Variants in PCDHAC1 observed in about 807,000 individuals in gnomAD.
The protein encoded by PCDHAC1 is protocadherin alpha-C1.
A neutral mutation model predicts 60.0 loss-of-function variants in PCDHAC1; 42 were observed. The ratio of observed to expected loss-of-function variants is 0.70; its 90% CI spans 0.55 to 0.90. PCDHAC1 has a LOEUF of 0.90. PCDHAC1 is among the 40% of genes least tolerant of loss of function. PCDHAC1 has a pLI of 0.00. For synonymous variants in PCDHAC1, 468 were observed against 499.3 expected (o/e 0.94, Z 0.84); for missense variants, 1,160 against 1,222.3 (o/e 0.95, Z 0.76).
intron 1 of PCDHAC1, among the ~76,000 whole-genome samples, chr5:140,950,427 C>T (rs393858): frequency 0.56 from 85,078 of 151,138 alleles, 24,477 homozygotes; most frequent in African/African-American, 0.69. Flanking sequence ...TTTTCTTCCA[C>T]TTAAAAAAAA....
chr5:140,966,740 C>CGGCT (rs2096047340), intron 1 of PCDHAC1: 1 of 1,422,580 alleles, frequency 7.0e-7, no homozygotes, highest in African/African-American at 1.5e-5. Flanking sequence ...CGGCCCTGCC[C>CGGCT]GGCTGCCTCC....
In PCDHAC1 at chr5:140,938,797, G is replaced by T. The variant is rs76361474; in HGVS notation, c.2433+9472G>T. On this transcript the variant is annotated intron_variant, in intron 1 of 3. Coordinates refer to ENST00000253807, the MANE Select transcript of PCDHAC1 (RefSeq NM_018898.5). Reference sequence around the variant, plus strand: ...TTAGTACCTGAATGATGAAATAATCGGTACCACAAACCCCTGTGACATGAG... The same window carrying T: ...TTAGTACCTGAATGATGAAATAATCTGTACCACAAACCCCTGTGACATGAG... Among the ~76,000 whole-genome samples, 827 of 152,042 alleles carry T rather than the reference G, an allele frequency of 5.4e-3. 3 individuals carry two copies. Among genetic ancestry groups the T allele is most frequent in the African/African-American group, 0.019 (796 of 41,444 alleles).
rs1018008271 is a variant in PCDHAC1, at chr5:140,926,713, C to G, written c.-180C>G. 1.7e-5 allele frequency: 16 copies of G among 944,684 alleles called. No homozygotes were observed. The highest frequency in any genetic ancestry group is 2.3e-5 in the Non-Finnish European group (16 of 689,592). 58.5% of individuals were successfully genotyped at this position (944,684 alleles called of 1,614,324 possible). ...AAGCCCGGCTCCCAGCTGGCCAGCC[C>G]CGGCAATGCCGGCGTTCGGGAGGCG... On this transcript the variant is annotated 5_prime_UTR_variant, in exon 1 of 4. Coordinates refer to ENST00000253807, the MANE Select transcript of PCDHAC1 (RefSeq NM_018898.5).
rs1554206780 is a variant in PCDHAC1, at chr5:140,929,164, G to A, written c.2272G>A (p.Ala758Thr). Residue 758 changes from alanine (A) to threonine (T), a missense_variant, in exon 1 of 4, where the codon GCC becomes ACC. Coordinates refer to ENST00000253807, the MANE Select transcript of PCDHAC1 (RefSeq NM_018898.5). Reference sequence around the variant, plus strand: ...ACTTTCTCAGACTTATCTCTATCGGGCCTCTCTGGGACTTGGTTCTGATAA... The same window carrying A: ...ACTTTCTCAGACTTATCTCTATCGGACCTCTCTGGGACTTGGTTCTGATAA... ...ERLSQTYLYRASLGLGSDNNS... is the reference protein window; with the variant it reads ...ERLSQTYLYRTSLGLGSDNNS... The A allele has an allele frequency of 6.2e-6, 10 of 1,614,150 alleles. No homozygotes were observed. Among genetic ancestry groups the A allele is most frequent in the East Asian group, 2.2e-5 (1 of 44,890 alleles).
In PCDHAC1 at chr5:140,967,001, A is replaced by T. The variant is rs1048933252; in HGVS notation, c.2434-11948A>T. The T allele has an allele frequency of 3.1e-6, 5 of 1,605,060 alleles. No homozygotes were observed. The South Asian group carries it at 5.5e-5, about 18-fold the overall frequency. The stretch of plus-strand genomic sequence containing the variant: ...GCGCTTGGGGCCGGGTTGCTTGCGC[A>T]TCAACCATCTGGGTGCGCCCAGTCC... On this transcript the variant is annotated intron_variant, in intron 1 of 3. Transcript: ENST00000253807.
At chr5:141,006,837 TG>T (rs1477008780) in intron 3 of PCDHAC1, among the ~76,000 whole-genome samples, 2 of 152,186 alleles carry the variant, frequency 1.3e-5, no homozygotes, top group African/African-American at 4.8e-5. Context: ...TGTAATTTAC[TG>T]AAACTGGAAA....
At chr5:140,940,199 A>G (rs1253658459) in intron 1 of PCDHAC1, among the ~76,000 whole-genome samples, 2 of 152,136 alleles carry the variant, frequency 1.3e-5, no homozygotes, top group Non-Finnish European at 2.9e-5. Flanking sequence ...CATGGGTGTA[A>G]AATTCAAGAT....
chr5:140,927,031 GC>G lies in PCDHAC1; in HGVS notation c.140del (p.Ala47GlyfsTer49). 3.7e-6 allele frequency: 6 copies of G among 1,612,410 alleles called. No individual in the cohort carries two copies. Among genetic ancestry groups the G allele is most frequent in the Non-Finnish European group, 5.1e-6 (6 of 1,178,976 alleles). ...GNLSADLRLPAAAMSSRNFRF... is the reference protein window; with the variant it reads ...GNLSADLRLPXAAMSSRNFRF... ...TCTCTCCGCGGACTTGAGGCTGCCA[GC>G]GGCCGCTATGTCCTCGCGGAACTTT... is the stretch of plus-strand genomic sequence containing the variant. On this transcript the variant is annotated frameshift_variant, in exon 1 of 4. Coordinates refer to ENST00000253807, the MANE Select transcript of PCDHAC1 (RefSeq NM_018898.5). LOFTEE classifies it high-confidence loss of function.
rs781892888 is a variant in PCDHAC1, at chr5:140,967,565, C to T, written c.2434-11384C>T. Reference sequence around the variant, plus strand: ...CCAGTCCACTTATCGCGTCCAGCTACGGGAGGACTCACCCCCAGGCACATT... The same window carrying T: ...CCAGTCCACTTATCGCGTCCAGCTATGGGAGGACTCACCCCCAGGCACATT... On this transcript the variant is annotated intron_variant, in intron 1 of 3. Transcript: ENST00000253807. The T allele has an allele frequency of 3.1e-6, 5 of 1,614,080 alleles. No individual in the cohort carries two copies. The highest frequency in any genetic ancestry group is 2.7e-5 in the African/African-American group (2 of 75,044).
chr5:140,926,569 A>T lies in PCDHAC1; in HGVS notation c.-324A>T, dbSNP rs1245214494. On this transcript the variant is annotated 5_prime_UTR_variant, in exon 1 of 4. Transcript: ENST00000253807. ...CGAGACCCCAGCCCGCTGCTACTGG[A>T]GACAGCACCTCTCGCGCCCGGGCGG... 1 of 261,750 alleles carries T rather than the reference A, an allele frequency of 3.8e-6. No individual in the cohort carries two copies. The highest frequency in any genetic ancestry group is 5.3e-5 in the Admixed American group (1 of 18,906). The allele number at this position is 261,750 out of a possible 1,614,324, so 16.2% of individuals were successfully genotyped here. A position where few individuals can be genotyped will look rare whatever the true frequency, so the allele number is the denominator to read the frequency against.
At chr5:140,940,764 G>C (rs977154290) in intron 1 of PCDHAC1, among the ~76,000 whole-genome samples, 1 of 152,080 alleles carries the variant, frequency 6.6e-6, no homozygotes, top group Non-Finnish European at 1.5e-5. Context: ...ACTTTTATTT[G>C]ACTTTTGATG....
rs147183638 is a variant in PCDHAC1, at chr5:140,927,489, C to T, written c.597C>T (p.His199=). 3.9e-5 allele frequency: 63 copies of T among 1,614,126 alleles called. No homozygotes were observed. Among genetic ancestry groups the T allele is most frequent in the Non-Finnish European group, 4.8e-5 (57 of 1,180,042 alleles). Residue 199 remains histidine (H), a synonymous_variant, in exon 1 of 4, where the codon CAC becomes CAT. Coordinates refer to ENST00000253807, the MANE Select transcript of PCDHAC1 (RefSeq NM_018898.5). The part of the protein sequence containing the change: ...KALDREQRAT[H]LLVLTARDGG... ...TGGATCGCGAACAGCGCGCCACCCA[C>T]CTGCTGGTGCTTACAGCTCGGGACG...
chr5:140,985,895 A>G (rs782549334), intron 3 of PCDHAC1, among the ~76,000 whole-genome samples: 16 of 150,016 alleles, frequency 1.1e-4, no homozygotes, highest in Non-Finnish European at 1.5e-4. Flanking sequence ...GCCCGCCACC[A>G]CTCCCGTCTA....
chr5:140,966,958 G>C (rs561982676), intron 1 of PCDHAC1: 1 of 1,602,498 alleles, frequency 6.2e-7, no homozygotes, highest in South Asian at 1.1e-5. Context: ...TGGCTCGCGC[G>C]CTGGGGCTTG....
intron 1 of PCDHAC1, among the ~76,000 whole-genome samples, chr5:140,960,693 T>C (rs2095562408): frequency 6.6e-6 from 1 of 152,136 alleles, no homozygotes; most frequent in Non-Finnish European, 1.5e-5. Flanking sequence ...AATGAGGGTG[T>C]TCTTTAGTGC....
At chr5:140,990,129 A>G (rs868941506) in intron 3 of PCDHAC1, among the ~76,000 whole-genome samples, 6 of 152,296 alleles carry the variant, frequency 3.9e-5, no homozygotes, top group Middle Eastern at 3.4e-3. Flanking sequence ...TGTAGAAGTC[A>G]GACTCAAGAG....
intron 3 of PCDHAC1, among the ~76,000 whole-genome samples, chr5:140,994,883 A>T (rs1197020328): frequency 6.6e-6 from 1 of 152,222 alleles, no homozygotes; most frequent in Non-Finnish European, 1.5e-5. Flanking sequence ...AAGAGATGTT[A>T]GGAAATGAGA....
rs1411741184 is a variant in PCDHAC1, at chr5:140,927,587, T to C, written c.695T>C (p.Val232Ala). The C allele has an allele frequency of 6.2e-7, 1 of 1,614,044 alleles. No homozygotes were observed. The highest frequency in any genetic ancestry group is 1.3e-5 in the African/African-American group (1 of 74,936). Reference sequence around the variant, plus strand: ...GTGGACACAAATGACAACGCGCCTGTATTTGAGCGCTCCGTATACCGCACC... The same window carrying C: ...GTGGACACAAATGACAACGCGCCTGCATTTGAGCGCTCCGTATACCGCACC... ...IVVDTNDNAPVFERSVYRTKV... is the reference protein window; with the variant it reads ...IVVDTNDNAPAFERSVYRTKV... The change falls in exon 1 of 4, where the codon GTA becomes GCA. Residue 232 changes from valine to alanine, a missense_variant. This residue lies in a region of PCDHAC1 where 1,113 missense variants were observed against 1,163.7 expected (regional missense o/e 0.96). Transcript: ENST00000253807.
intron 3 of PCDHAC1, among the ~76,000 whole-genome samples, chr5:141,001,985 G>A (rs536683790): frequency 6.6e-5 from 10 of 152,194 alleles, no homozygotes; most frequent in Non-Finnish European, 1.5e-4. Flanking sequence ...GGAAAGCCTG[G>A]AAGTTCACTT....
Sources: gnomAD v4.1 joint callset for allele counts (sites outside exome capture counted in the v4.1 genomes callset) on GRCh38, gnomAD v4.1.1 for gene constraint, gnomAD v4.1.1 regional missense constraint, MANE v1.5 for transcripts, NCBI Gene and HGNC (gene_info 2026-07-23, HGNC 2026-07-21) for gene names.